The following BBS9 variants were observed in gnomAD, a reference collection of about 807,000 sequenced individuals.
The protein encoded by BBS9 is protein PTHB1.
Under a neutral mutation model 117.7 loss-of-function variants are expected in BBS9, and 89 were observed. The ratio of observed to expected loss-of-function variants is 0.76; its 90% CI spans 0.64 to 0.90. BBS9 has a LOEUF of 0.90. BBS9 is among the 40% of genes least tolerant of loss of function. The pLI is 0.00. For missense variants in BBS9, 982 were observed against 1,042.2 expected, an observed-to-expected ratio of 0.94 and a Z score of 0.80; for synonymous variants, 379 against 370.9, an observed-to-expected ratio of 1.02 and a Z score of -0.25.
intron 5 of BBS9, among the ~76,000 whole-genome samples, chr7:33,255,883 C>T (rs1322448494): frequency 6.6e-6 from 1 of 152,116 alleles, no homozygotes; most frequent in Admixed American, 6.6e-5. Flanking sequence ...TTAGGCTGGG[C>T]GTGGTGGCTC....
intron 9 of BBS9, among the ~76,000 whole-genome samples, chr7:33,307,755 A>G (rs1394390203): frequency 6.7e-6 from 1 of 149,478 alleles, no homozygotes; most frequent in Non-Finnish European, 1.5e-5. Flanking sequence ...TTGCGTGTTC[A>G]GTGCAGATGC....
chr7:33,311,342 A>G (rs940358372), intron 9 of BBS9, among the ~76,000 whole-genome samples: 1 of 152,166 alleles, frequency 6.6e-6, no homozygotes, highest in Non-Finnish European at 1.5e-5. Flanking sequence ...GATCAAGGGA[A>G]TGATCAGATT....
chr7:33,359,103 T>C (rs1006977164), intron 16 of BBS9, among the ~76,000 whole-genome samples: 2 of 151,894 alleles, frequency 1.3e-5, no homozygotes, highest in African/African-American at 4.8e-5. Flanking sequence ...CCTTATTTTT[T>C]AGTCAGTTTT....
At chr7:33,506,581 T>A (rs1846184951) in intron 20 of BBS9, among the ~76,000 whole-genome samples, 1 of 152,196 alleles carries the variant, frequency 6.6e-6, no homozygotes, top group Non-Finnish European at 1.5e-5. Context: ...ATTTAGGCTT[T>A]AAGAGTTAAG....
At chr7:33,441,381 C>T (rs1031739557) in intron 19 of BBS9, among the ~76,000 whole-genome samples, 2 of 152,128 alleles carry the variant, frequency 1.3e-5, no homozygotes, top group Admixed American at 1.3e-4. Context: ...AGGATGCAAA[C>T]TGAGGCGAGA....
At chr7:33,247,078 A>ATGTG (rs139817337) in intron 5 of BBS9, among the ~76,000 whole-genome samples, 1 of 151,160 alleles carries the variant, frequency 6.6e-6, no homozygotes, top group Non-Finnish European at 1.5e-5. Context: ...GTGTATATGT[A>ATGTG]TGTGTGTGTG....
In BBS9 at chr7:33,221,711, T is replaced by G. The variant is rs111316008; in HGVS notation, c.443-35525T>G. Among the ~76,000 whole-genome samples the G allele has an allele frequency of 3.9e-5, 6 of 152,334 alleles. 1 individual carries two copies. Among genetic ancestry groups the G allele is most frequent in the African/African-American group, 1.4e-4 (6 of 41,588 alleles). On this transcript the variant is annotated intron_variant, in intron 5 of 22. Transcript: ENST00000242067. ...ACTAGAGTGAATTTTTAATTGTTTG[T>G]AAACTGTTTAAAAAATTTTCACAAT...
intron 19 of BBS9, among the ~76,000 whole-genome samples, chr7:33,414,859 G>GA (rs1554473197): frequency 6.6e-6 from 1 of 152,170 alleles, no homozygotes; most frequent in Non-Finnish European, 1.5e-5. Flanking sequence ...TAATACAAAT[G>GA]TTCACTTCAG....
At chr7:33,337,650 T>G (rs1815658093) in intron 10 of BBS9, among the ~76,000 whole-genome samples, 2 of 152,288 alleles carry the variant, frequency 1.3e-5, no homozygotes, top group South Asian at 4.1e-4. Flanking sequence ...TACCTCCAAT[T>G]ACTTAAAAAT....
At chr7:33,254,433 GATATAC>G (rs564067383) in intron 5 of BBS9, among the ~76,000 whole-genome samples, 245 of 152,182 alleles carry the variant, frequency 1.6e-3, no homozygotes, top group South Asian at 3.9e-3. Context: ...GTGATGTTCT[GATATAC>G]ATATACATTG....
In BBS9 at chr7:33,560,769, T is replaced by C. The variant is rs183818870; in HGVS notation, c.2521+26593T>C. 1.8e-3 allele frequency among the ~76,000 whole-genome samples: 279 copies of C among 152,326 alleles called. 2 individuals carry two copies. Among genetic ancestry groups the C allele is most frequent in the African/African-American group, 6.5e-3 (270 of 41,566 alleles). On this transcript the variant is annotated intron_variant, in intron 21 of 22. Coordinates refer to ENST00000242067, the MANE Select transcript of BBS9 (RefSeq NM_198428.3). ...TTCTTAAGCATCTCTAGGGATAGGC[T>C]TCCACAGCCCTCTCAATTATGTGTT... is the stretch of plus-strand genomic sequence containing the variant.
intron 9 of BBS9, among the ~76,000 whole-genome samples, chr7:33,301,255 T>C (rs1806369452): frequency 6.6e-6 from 1 of 152,032 alleles, no homozygotes; most frequent in Non-Finnish European, 1.5e-5. Flanking sequence ...ACCTCAAGCA[T>C]TTATCCATTG....
chr7:33,543,210 A>G (rs897806282), intron 21 of BBS9, among the ~76,000 whole-genome samples: 15 of 152,064 alleles, frequency 9.9e-5, no homozygotes, highest in African/African-American at 9.7e-5. Context: ...CCTGATCATT[A>G]GTGATGTTGA....
chr7:33,581,562 G>C (rs941100064), intron 21 of BBS9, among the ~76,000 whole-genome samples: 17 of 152,138 alleles, frequency 1.1e-4, no homozygotes, highest in African/African-American at 4.1e-4. Context: ...ACAGCCTTCA[G>C]TAGTAACAAA....
At chr7:33,177,338 T>C (rs1797466981) in intron 4 of BBS9, 140 bp from the exon 5 acceptor site, 1 of 665,068 alleles carries the variant, frequency 1.5e-6, no homozygotes, top group African/African-American at 1.8e-5. Flanking sequence ...AGTATGCTAA[T>C]TTTTCACAAT....
chr7:33,533,917 A>T (rs765837501), intron 20 of BBS9, 37 bp from the exon 21 acceptor site: 4 of 1,606,736 alleles, frequency 2.5e-6, no homozygotes, highest in South Asian at 2.2e-5. Flanking sequence ...TCTTATTGTC[A>T]TCTTTGTATT....
intron 21 of BBS9, among the ~76,000 whole-genome samples, chr7:33,611,775 TATA>T (rs1247268312): frequency 1.4e-5 from 2 of 139,696 alleles, no homozygotes; most frequent in Admixed American, 7.5e-5. Flanking sequence ...AATATTATTA[TATA>T]ATAATATTAT....
intron 4 of BBS9, among the ~76,000 whole-genome samples, chr7:33,171,480 A>G (rs1429613777): frequency 6.6e-6 from 1 of 152,244 alleles, no homozygotes; most frequent in East Asian, 1.9e-4. Context: ...AGCTTTAATT[A>G]CATATATCAA....
At chr7:33,153,312 TC>T (rs1695257840) in intron 3 of BBS9, among the ~76,000 whole-genome samples, 1 of 152,208 alleles carries the variant, frequency 6.6e-6, no homozygotes, top group Non-Finnish European at 1.5e-5. Flanking sequence ...AAGTAAGTCT[TC>T]CCCCTACAAG....
Sources: gnomAD v4.1 joint callset for allele counts (sites outside exome capture counted in the v4.1 genomes callset) on GRCh38, gnomAD v4.1.1 for gene constraint, MANE v1.5 for transcripts, NCBI Gene and HGNC (gene_info 2026-07-23, HGNC 2026-07-21) for gene names.